The following PCDH9 variants were observed in gnomAD, a reference collection of about 807,000 sequenced individuals.
PCDH9 encodes the protein protocadherin-9.
In PCDH9, 24 loss-of-function variants were observed where a neutral mutation model predicts 70.6. That is an observed-to-expected ratio of 0.34 (90% CI 0.25 to 0.48). The LOEUF (loss-of-function observed/expected upper bound fraction) is 0.48. Ranked by LOEUF, PCDH9 falls within the 20% of genes least tolerant of loss-of-function variation. The pLI is 0.99. For synonymous variants in PCDH9, 562 were observed against 558.5 expected, an observed-to-expected ratio of 1.01 and a Z score of -0.09; for missense variants, 1,281 against 1,503.6, an observed-to-expected ratio of 0.85 and a Z score of 2.45.
intron 2 of PCDH9, among the ~76,000 whole-genome samples, chr13:66,918,247 G>A (rs1247151241): frequency 6.6e-6 from 1 of 151,012 alleles, no homozygotes; most frequent in African/African-American, 2.4e-5. Flanking sequence ...GGGAGAGAGA[G>A]GCACAGAGAA....
intron 2 of PCDH9, among the ~76,000 whole-genome samples, chr13:67,156,678 C>A (rs1225648649): frequency 6.6e-6 from 1 of 152,210 alleles, no homozygotes; most frequent in African/African-American, 2.4e-5. Context: ...CCCCGGGATA[C>A]AGAAAGCCCT....
At chr13:66,870,161 A>C (rs1474331707) in intron 3 of PCDH9, among the ~76,000 whole-genome samples, 4 of 152,038 alleles carry the variant, frequency 2.6e-5, no homozygotes, top group African/African-American at 2.4e-5. Flanking sequence ...TTTTCCCAGC[A>C]CCATTTATTA....
intron 4 of PCDH9, among the ~76,000 whole-genome samples, chr13:66,445,056 TATATATAATATGTATTATATCTATC>T (rs1958045155): frequency 6.8e-6 from 1 of 147,464 alleles, no homozygotes; most frequent in Non-Finnish European, 1.5e-5. Context: ...ATATATAATA[TATATATAATATGTATTATATCTATC>T]ATATATAATA....
At chr13:66,800,356 A>G in intron 3 of PCDH9, among the ~76,000 whole-genome samples, 1 of 152,112 alleles carries the variant, frequency 6.6e-6, no homozygotes, top group Non-Finnish European at 1.5e-5. Context: ...ATTCCTACCT[A>G]TTCAAAATGA....
chr13:66,994,784 T>C (rs1257463769), intron 2 of PCDH9, among the ~76,000 whole-genome samples: 1 of 152,174 alleles, frequency 6.6e-6, no homozygotes, highest in Non-Finnish European at 1.5e-5. Context: ...TATAAAACTG[T>C]ACTGACTTTT....
Position 66,373,797 on chromosome 13 carries a change from C to T in PCDH9, c.3341-68769G>A, listed in dbSNP as rs980890744. Among the ~76,000 whole-genome samples the T allele has an allele frequency of 7.9e-5, 12 of 152,184 alleles. 1 individual carries two copies. The highest frequency in any genetic ancestry group is 6.2e-4 in the South Asian group (3 of 4,826). ...ACAAAGGTTTTCATAGTTCCCACTC[C>T]GTGGGTATGAGCACAGTGTTATAGA... On this transcript the variant is annotated intron_variant, in intron 4 of 4. Transcript: ENST00000377865.
At chr13:66,943,096 AGT>A (rs2083031357) in intron 2 of PCDH9, among the ~76,000 whole-genome samples, 1 of 152,092 alleles carries the variant, frequency 6.6e-6, no homozygotes, top group Non-Finnish European at 1.5e-5. Context: ...TAGTAAACAT[AGT>A]TATTACAACA....
intron 4 of PCDH9, among the ~76,000 whole-genome samples, chr13:66,494,682 T>A (rs764522926): frequency 6.2e-4 from 95 of 152,140 alleles, no homozygotes; most frequent in Admixed American, 7.2e-4. Flanking sequence ...AAAATCTTTA[T>A]AATATAGATA....
chr13:67,210,888 G>A (rs184466150), intron 2 of PCDH9: 71 of 152,030 alleles, frequency 4.7e-4, no homozygotes, highest in African/African-American at 1.6e-3. Flanking sequence ...TTGAAACTAC[G>A]TAAAAACACC....
intron 2 of PCDH9, among the ~76,000 whole-genome samples, chr13:66,921,131 C>A (rs1215480678): frequency 6.6e-6 from 1 of 151,006 alleles, no homozygotes; most frequent in African/African-American, 2.4e-5. Flanking sequence ...AAATCTCTAC[C>A]TACAAGACTG....
intron 4 of PCDH9, among the ~76,000 whole-genome samples, chr13:66,549,673 G>T (rs141778808): frequency 6.6e-6 from 1 of 151,862 alleles, no homozygotes. Flanking sequence ...TAAATATTAG[G>T]TATATCTTCG....
At chr13:66,383,305 T>G (rs1023035606) in intron 4 of PCDH9, among the ~76,000 whole-genome samples, 1 of 152,210 alleles carries the variant, frequency 6.6e-6, no homozygotes, top group South Asian at 2.1e-4. Flanking sequence ...TATTTTACTC[T>G]CATAACATTG....
chr13:66,730,897 T>TTTTTTTTTTG (rs1555262885), intron 3 of PCDH9, among the ~76,000 whole-genome samples: 5 of 129,098 alleles, frequency 3.9e-5, no homozygotes, highest in South Asian at 2.5e-4. Flanking sequence ...GTTTGTTTCT[T>TTTTTTTTTTG]TTTTTTTGTG....
At chr13:66,905,963 C>T (rs1566282197) in intron 2 of PCDH9, among the ~76,000 whole-genome samples, 2 of 152,184 alleles carry the variant, frequency 1.3e-5, no homozygotes, top group African/African-American at 2.4e-5. Flanking sequence ...CATTCATTCA[C>T]TCATTTTATT....
At chr13:67,115,433 G>A (rs1243698588) in intron 2 of PCDH9, among the ~76,000 whole-genome samples, 1 of 152,162 alleles carries the variant, frequency 6.6e-6, no homozygotes, top group Admixed American at 6.5e-5. Context: ...GCAGAAGGAT[G>A]AAGGAGCTCT....
At chr13:66,496,854 C>T (rs1319923550) in intron 4 of PCDH9, among the ~76,000 whole-genome samples, 1 of 152,112 alleles carries the variant, frequency 6.6e-6, no homozygotes, top group East Asian at 1.9e-4. Context: ...AACTAAAATT[C>T]CAAGGCAATG....
intron 3 of PCDH9, among the ~76,000 whole-genome samples, chr13:66,822,136 GCACACA>G (rs10701113): frequency 1.7e-4 from 25 of 149,262 alleles, no homozygotes; most frequent in African/African-American, 4.9e-4. Flanking sequence ...TCACACACGC[GCACACA>G]CACACACACA....
chr13:67,055,398 T>C (rs1008576873), intron 2 of PCDH9, among the ~76,000 whole-genome samples: 2 of 152,186 alleles, frequency 1.3e-5, no homozygotes, highest in African/African-American at 2.4e-5. Context: ...GCAGAATCAG[T>C]AGTCATACAA....
intron 3 of PCDH9, among the ~76,000 whole-genome samples, chr13:66,777,945 T>C (rs1216675593): frequency 6.6e-6 from 1 of 152,018 alleles, no homozygotes; most frequent in African/African-American, 2.4e-5. Context: ...TGGAATACTA[T>C]GCAGCCATAA....
Sources: allele counts gnomAD v4.1 joint callset (sites outside exome capture counted in the v4.1 genomes callset), GRCh38; gene constraint gnomAD v4.1.1; transcripts MANE v1.5; gene names NCBI Gene and HGNC (gene_info 2026-07-23, HGNC 2026-07-21).